OXR1: variants seen among roughly 807,000 people sequenced by gnomAD.
The protein encoded by OXR1 is oxidation resistance 1.
OXR1 carries 41 observed loss-of-function variants against 104.6 expected under a neutral mutation model. That is an observed-to-expected ratio of 0.39 (90% confidence interval 0.31 to 0.51). The LOEUF (loss-of-function observed/expected upper bound fraction) is 0.51. OXR1 is among the 20% of genes least tolerant of loss of function. The pLI is 0.77. For synonymous variants in OXR1, 348 were observed against 348.4 expected (o/e 1.00, Z 0.01); for missense variants, 955 against 1,031.9 (o/e 0.93, Z 1.02).
At chr8:106,381,260 CATCTT>C (rs1307775841) in intron 2 of OXR1, among the ~76,000 whole-genome samples, 6 of 152,112 alleles carry the variant, frequency 3.9e-5, no homozygotes, top group Non-Finnish European at 7.3e-5. Flanking sequence ...AAAATGCACT[CATCTT>C]ATACGTGTGA....
At chr8:106,323,548 A>T (rs963373198) in intron 1 of OXR1, among the ~76,000 whole-genome samples, 7 of 152,234 alleles carry the variant, frequency 4.6e-5, no homozygotes, top group Admixed American at 1.3e-4. Context: ...GCACAGCAAA[A>T]GAAATGATCA....
chr8:106,271,711 A>T (rs1460561980), intron 1 of OXR1: 1 of 152,288 alleles, frequency 6.6e-6, no homozygotes, highest in East Asian at 1.9e-4. Flanking sequence ...CCAGGGTAGC[A>T]TTCTTTGCTT....
intron 3 of OXR1, among the ~76,000 whole-genome samples, chr8:106,611,225 A>G (rs3101525): frequency 0.35 from 52,769 of 152,104 alleles, 9,594 homozygotes; most frequent in African/African-American, 0.44. Flanking sequence ...GGGGAAGAGC[A>G]TTCTAAGAAA....
At chr8:106,736,226 G>T (rs1022555121) in intron 11 of OXR1, among the ~76,000 whole-genome samples, 1 of 149,308 alleles carries the variant, frequency 6.7e-6, no homozygotes, top group South Asian at 2.1e-4. Flanking sequence ...TAAGTACAGA[G>T]TCAGCTAACA....
At chr8:106,489,522 T>C (rs1586711158) in intron 2 of OXR1, among the ~76,000 whole-genome samples, 1 of 152,304 alleles carries the variant, frequency 6.6e-6, no homozygotes, top group South Asian at 2.1e-4. Context: ...TCATATCTTA[T>C]ATGTAGTAGA....
intron 2 of OXR1, among the ~76,000 whole-genome samples, chr8:106,443,110 T>C (rs1819860906): frequency 1.3e-5 from 2 of 152,164 alleles, no homozygotes; most frequent in South Asian, 4.1e-4. Flanking sequence ...GTTGTATCTT[T>C]GTTCTCATTG....
intron 2 of OXR1, among the ~76,000 whole-genome samples, chr8:106,384,990 C>T (rs1222757655): frequency 1.3e-5 from 2 of 152,162 alleles, no homozygotes; most frequent in African/African-American, 4.8e-5. Flanking sequence ...GCTGGGATTA[C>T]AGGCATGAGC....
intron 2 of OXR1, among the ~76,000 whole-genome samples, chr8:106,504,823 A>T (rs1414436197): frequency 6.6e-6 from 1 of 152,160 alleles, no homozygotes; most frequent in Non-Finnish European, 1.5e-5. Flanking sequence ...ACATATATGG[A>T]TACATATTTT....
chr8:106,527,438 G>A (rs900145229), intron 3 of OXR1, among the ~76,000 whole-genome samples: 2 of 152,030 alleles, frequency 1.3e-5, no homozygotes, highest in African/African-American at 2.4e-5. Flanking sequence ...TTCATACTGC[G>A]CTTACCTTTC....
chr8:106,357,218 G>A (rs139814413), intron 1 of OXR1, among the ~76,000 whole-genome samples: 53 of 151,544 alleles, frequency 3.5e-4, no homozygotes, highest in African/African-American at 9.4e-4. Context: ...GTGTGTGTGT[G>A]TATATATATG....
At chr8:106,593,899 G>A (rs1249188593) in intron 3 of OXR1, among the ~76,000 whole-genome samples, 1 of 152,166 alleles carries the variant, frequency 6.6e-6, no homozygotes, top group African/African-American at 2.4e-5. Context: ...GAATGGGATT[G>A]GACATCCTGC....
chr8:106,686,261 G>GA (rs1200171728), intron 6 of OXR1, among the ~76,000 whole-genome samples: 15 of 144,112 alleles, frequency 1.0e-4, no homozygotes, highest in Admixed American at 3.6e-4. Flanking sequence ...CCTGCTCCCT[G>GA]AAAACATATT....
intron 2 of OXR1, among the ~76,000 whole-genome samples, chr8:106,446,112 G>A (rs774593869): frequency 9.9e-5 from 15 of 152,174 alleles, no homozygotes; most frequent in Non-Finnish European, 2.2e-4. Context: ...AGGGTGATGA[G>A]AAGTGGTTTG....
At chr8:106,564,455 G>A (rs909299314) in intron 3 of OXR1, among the ~76,000 whole-genome samples, 4 of 151,588 alleles carry the variant, frequency 2.6e-5, no homozygotes, top group Non-Finnish European at 5.9e-5. Context: ...TCCCTGAATA[G>A]ACCAATAACA....
chr8:106,502,178 C>T (rs935458018), intron 2 of OXR1, among the ~76,000 whole-genome samples: 1 of 152,122 alleles, frequency 6.6e-6, no homozygotes, highest in African/African-American at 2.4e-5. Context: ...ATGCAGCTTC[C>T]CAGGGCCTGT....
intron 11 of OXR1, among the ~76,000 whole-genome samples, chr8:106,737,192 C>G (rs1406263779): frequency 1.3e-5 from 2 of 152,048 alleles, no homozygotes; most frequent in Non-Finnish European, 2.9e-5. Flanking sequence ...CAGACGTTAT[C>G]TTTAATGTTA....
chr8:106,363,587 A>T (rs16874443), intron 2 of OXR1, among the ~76,000 whole-genome samples: 1 of 151,064 alleles, frequency 6.6e-6, no homozygotes, highest in African/African-American at 2.4e-5. Context: ...TAGACTCAAA[A>T]CATGTATGAT....
intron 2 of OXR1, among the ~76,000 whole-genome samples, chr8:106,378,938 G>A (rs1042290566): frequency 1.3e-5 from 2 of 152,094 alleles, no homozygotes; most frequent in African/African-American, 2.4e-5. Flanking sequence ...TTTCAATCAA[G>A]CAATGCTTCT....
chr8:106,700,039 CTT>C (rs923053149), intron 7 of OXR1, among the ~76,000 whole-genome samples: 3 of 151,920 alleles, frequency 2.0e-5, no homozygotes, highest in Admixed American at 6.6e-5. Context: ...TGCAGATAGA[CTT>C]TATTTTTTTT....
Sources: allele counts gnomAD v4.1 joint callset (sites outside exome capture counted in the v4.1 genomes callset), GRCh38; gene constraint gnomAD v4.1.1; transcripts MANE v1.5; gene names NCBI Gene and HGNC (gene_info 2026-07-23, HGNC 2026-07-21).